The following TEAD1 variants were observed in gnomAD, a reference collection of about 807,000 sequenced individuals.
TEAD1 encodes the protein transcriptional enhancer factor TEF-1.
In TEAD1, 9 loss-of-function variants were observed where a neutral mutation model predicts 54.9. The observed-to-expected ratio is 0.16, with a 90% CI of 0.10 to 0.29. The LOEUF (loss-of-function observed/expected upper bound fraction) is 0.29, where lower values mean the gene tolerates loss of function less well. TEAD1 is among the 10% of genes least tolerant of loss of function. The probability of loss-of-function intolerance (pLI) is 1.00; values close to 1 mark genes in which losing one functional copy is unlikely to be tolerated. For synonymous variants in TEAD1, 200 were observed against 187.8 expected (o/e 1.07, Z -0.53); for missense variants, 387 against 535.9 (o/e 0.72, Z 2.74).
chr11:12,881,872 T>C (rs911476247), intron 7 of TEAD1, 24 bp from the exon 8 acceptor site: 2 of 1,613,574 alleles, frequency 1.2e-6, no homozygotes, highest in Non-Finnish European at 1.7e-6. Context: ...CTCTTAACTC[T>C]GTCTGCCATC....
At chr11:12,767,121 C>T (rs986582316) in intron 3 of TEAD1, among the ~76,000 whole-genome samples, 8 of 152,154 alleles carry the variant, frequency 5.3e-5, no homozygotes, top group Admixed American at 3.3e-4. Flanking sequence ...TCTGACCTGC[C>T]TGTGACTTGG....
At chr11:12,858,862 G>A (rs2134062782) in intron 3 of TEAD1, among the ~76,000 whole-genome samples, 1 of 152,286 alleles carries the variant, frequency 6.6e-6, no homozygotes, top group African/African-American at 2.4e-5. Flanking sequence ...TTAGAAAATC[G>A]TCAAGTGTAC....
chr11:12,692,924 T>A (rs1344411625), intron 2 of TEAD1, among the ~76,000 whole-genome samples: 1 of 152,142 alleles, frequency 6.6e-6, no homozygotes, highest in African/African-American at 2.4e-5. Flanking sequence ...GAACAGCCTG[T>A]GTTTTTTGTG....
chr11:12,840,702 C>G (rs1947019250), intron 3 of TEAD1, among the ~76,000 whole-genome samples: 1 of 152,238 alleles, frequency 6.6e-6, no homozygotes, highest in East Asian at 1.9e-4. Flanking sequence ...TCAGAAGCCT[C>G]TCATTTTTCT....
At chr11:12,753,170 A>G (rs868116762) in intron 2 of TEAD1, among the ~76,000 whole-genome samples, 8 of 152,226 alleles carry the variant, frequency 5.3e-5, no homozygotes, top group Non-Finnish European at 5.9e-5. Context: ...TATATGTCCT[A>G]TTGTTAATAA....
intron 3 of TEAD1, among the ~76,000 whole-genome samples, chr11:12,841,944 G>A (rs1947049447): frequency 6.6e-6 from 1 of 152,028 alleles, no homozygotes; most frequent in South Asian, 2.1e-4. Context: ...AAAATGTATC[G>A]TGACCTCTCC....
At chr11:12,730,416 G>GTTTT (rs59731479) in intron 2 of TEAD1, among the ~76,000 whole-genome samples, 5 of 60,234 alleles carry the variant, frequency 8.3e-5, no homozygotes, top group Non-Finnish European at 9.0e-5. Context: ...CCAGTTGAGT[G>GTTTT]TTTTTTTTTT....
chr11:12,854,677 G>C (rs1447659534), intron 3 of TEAD1, among the ~76,000 whole-genome samples: 1 of 151,704 alleles, frequency 6.6e-6, no homozygotes, highest in East Asian at 1.9e-4. Context: ...CTGCATGCTT[G>C]AACTCCTGGG....
At chr11:12,885,143 AAGGAAACAGG>A (rs986861447) in intron 9 of TEAD1, among the ~76,000 whole-genome samples, 3 of 152,202 alleles carry the variant, frequency 2.0e-5, no homozygotes, top group African/African-American at 7.2e-5. Context: ...GATTAAACAG[AAGGAAACAGG>A]AGCCCAAATC....
intron 2 of TEAD1, among the ~76,000 whole-genome samples, chr11:12,685,906 T>C (rs1438645939): frequency 1.3e-5 from 2 of 152,228 alleles, no homozygotes; most frequent in African/African-American, 4.8e-5. Flanking sequence ...CAGGTTAATG[T>C]GTACCTCAAG....
At chr11:12,854,519 T>C (rs538455317) in intron 3 of TEAD1, among the ~76,000 whole-genome samples, 118 of 152,274 alleles carry the variant, frequency 7.7e-4, no homozygotes, top group Non-Finnish European at 1.1e-3. Flanking sequence ...GTTAGGGTGA[T>C]CTGACCAGTT....
chr11:12,904,753 C>A, intron 10 of TEAD1: 1 of 208,028 alleles, frequency 4.8e-6, no homozygotes, highest in Non-Finnish European at 1.0e-5. Flanking sequence ...ATTTCCAGTA[C>A]AGAAAATATA....
chr11:12,761,046 C>T (rs1945093047), intron 2 of TEAD1, among the ~76,000 whole-genome samples: 3 of 152,162 alleles, frequency 2.0e-5, no homozygotes, highest in South Asian at 2.1e-4. Flanking sequence ...GTCTAGTTGA[C>T]GAAAAATGGC....
rs979638030 is a variant in TEAD1 at position 12,815,976 on chromosome 11, T to C, written c.203-46274T>C. On this transcript the variant is annotated intron_variant, in intron 3 of 12. Transcript: ENST00000527636. ...TTACATGTTACAGCACTTCAGGTTT[T>C]GATATGCCCAGGACTGAGGTCCTTT... Among the ~76,000 whole-genome samples, 14 of 152,230 alleles carry C rather than the reference T, an allele frequency of 9.2e-5. 1 individual carries two copies.
chr11:12,783,191 C>CT lies in TEAD1; in HGVS notation c.202+18757_202+18758insT, dbSNP rs1564938284. 8.5e-4 allele frequency among the ~76,000 whole-genome samples: 97 copies of CT among 114,136 alleles called. 5 individuals are homozygous for CT. The highest frequency in any genetic ancestry group is 3.5e-3 in the African/African-American group (95 of 26,878). 74.9% of individuals were successfully genotyped at this position (114,136 alleles called of 152,430 possible). A position where few individuals can be genotyped will look rare whatever the true frequency, so the allele number is the denominator to read the frequency against. On this transcript the variant is annotated intron_variant, in intron 3 of 12. Coordinates refer to ENST00000527636, the MANE Select transcript of TEAD1 (RefSeq NM_021961.6). ...AAAGGCCAGAGTTTTAGTTTTTGTGCCTTTTTTTTTTTTTTTTTTTTAAGG... is the reference window on the plus strand; with the variant it reads ...AAAGGCCAGAGTTTTAGTTTTTGTGCTCTTTTTTTTTTTTTTTTTTTTAAGG...
chr11:12,842,638 T>A (rs1947063654), intron 3 of TEAD1, among the ~76,000 whole-genome samples: 2 of 152,212 alleles, frequency 1.3e-5, no homozygotes, highest in Admixed American at 1.3e-4. Flanking sequence ...AACCACTGAT[T>A]TTTATCTGGC....
At chr11:12,699,565 TAG>T (rs1943652633) in intron 2 of TEAD1, among the ~76,000 whole-genome samples, 1 of 152,236 alleles carries the variant, frequency 6.6e-6, no homozygotes, top group Non-Finnish European at 1.5e-5. Context: ...GGGTTATTCA[TAG>T]AGACTTTCCA....
At chr11:12,797,141 C>T (rs1463367678) in intron 3 of TEAD1, among the ~76,000 whole-genome samples, 6 of 152,138 alleles carry the variant, frequency 3.9e-5, no homozygotes, top group Admixed American at 2.0e-4. Flanking sequence ...ATGTATTTTC[C>T]GTTGTAGGTT....
intron 10 of TEAD1, among the ~76,000 whole-genome samples, chr11:12,909,592 C>T (rs1448062469): frequency 6.6e-6 from 1 of 151,978 alleles, no homozygotes; most frequent in African/African-American, 2.4e-5. Flanking sequence ...CCATGGCACA[C>T]GTATACCTAT....
Sources: allele counts gnomAD v4.1 joint callset (sites outside exome capture counted in the v4.1 genomes callset), GRCh38; gene constraint gnomAD v4.1.1; transcripts MANE v1.5; gene names NCBI Gene and HGNC (gene_info 2026-07-23, HGNC 2026-07-21).